Variants in TMEM178B observed in about 807,000 individuals in gnomAD.
TMEM178B encodes the protein transmembrane protein 178B.
In TMEM178B, 5 loss-of-function variants were observed where a neutral mutation model predicts 31.0. The ratio of observed to expected loss-of-function variants is 0.16; its 90% confidence interval spans 0.08 to 0.34. TMEM178B has a LOEUF of 0.34. TMEM178B is among the 10% of genes least tolerant of loss of function. TMEM178B has a pLI of 1.00. For synonymous variants in TMEM178B, 164 were observed against 164.0 expected (o/e 1.00, Z 0.00); for missense variants, 275 against 400.3 (o/e 0.69, Z 2.67).
At chr7:141,460,598 G>A (rs1586975636) in intron 3 of TMEM178B, among the ~76,000 whole-genome samples, 1 of 152,218 alleles carries the variant, frequency 6.6e-6, no homozygotes, top group African/African-American at 2.4e-5. Flanking sequence ...CTCTTTGGAA[G>A]TGAGGCCAGC....
intron 2 of TMEM178B, among the ~76,000 whole-genome samples, chr7:141,255,707 G>A (rs941742097): frequency 5.3e-5 from 8 of 151,824 alleles, no homozygotes; most frequent in African/African-American, 1.9e-4. Flanking sequence ...TCTGTAGACT[G>A]GATATTGTCC....
At chr7:141,097,577 C>G (rs990283369) in intron 1 of TMEM178B, among the ~76,000 whole-genome samples, 1 of 151,896 alleles carries the variant, frequency 6.6e-6, no homozygotes, top group Non-Finnish European at 1.5e-5. Context: ...GAGAATCAGT[C>G]CACCTTGACC....
At chr7:141,398,600 G>C (rs1187315974) in intron 2 of TMEM178B, among the ~76,000 whole-genome samples, 1 of 152,148 alleles carries the variant, frequency 6.6e-6, no homozygotes, top group African/African-American at 2.4e-5. Context: ...ATTTTCACTG[G>C]GACATCTGCA....
chr7:141,244,708 T>A (rs1042289461), intron 2 of TMEM178B, among the ~76,000 whole-genome samples: 1 of 152,046 alleles, frequency 6.6e-6, no homozygotes, highest in African/African-American at 2.4e-5. Flanking sequence ...TGAGTGAGAA[T>A]ACAGATTCGA....
chr7:141,125,334 C>T (rs1404913114), intron 1 of TMEM178B, among the ~76,000 whole-genome samples: 1 of 152,028 alleles, frequency 6.6e-6, no homozygotes, highest in African/African-American at 2.4e-5. Context: ...ATAACAGTAA[C>T]AACATAAAAA....
intron 1 of TMEM178B, among the ~76,000 whole-genome samples, chr7:141,079,472 A>G (rs1794650160): frequency 1.3e-5 from 2 of 152,244 alleles, no homozygotes; most frequent in African/African-American, 4.8e-5. Flanking sequence ...AACCAAGCAC[A>G]TAACTTTGTT....
chr7:141,482,068 C>G (rs965180814), downstream of TMEM178B, among the ~76,000 whole-genome samples: 12 of 152,164 alleles, frequency 7.9e-5, 1 homozygote, highest in African/African-American at 2.9e-4. Flanking sequence ...TTTTCCAATG[C>G]AGCACCACTT....
intron 1 of TMEM178B, among the ~76,000 whole-genome samples, chr7:141,127,005 T>A (rs763182456): frequency 4.1e-4 from 62 of 152,190 alleles, no homozygotes; most frequent in Non-Finnish European, 1.8e-4. Flanking sequence ...TATTCAGCTG[T>A]GTGACCCTGT....
chr7:141,278,677 G>A (rs573250925), intron 2 of TMEM178B, among the ~76,000 whole-genome samples: 2 of 152,304 alleles, frequency 1.3e-5, no homozygotes, highest in South Asian at 4.1e-4. Context: ...ATCATGTTGA[G>A]TAAGGAGCAA....
chr7:141,136,791 A>G (rs968036803), intron 1 of TMEM178B, among the ~76,000 whole-genome samples: 3 of 152,212 alleles, frequency 2.0e-5, no homozygotes, highest in African/African-American at 7.2e-5. Context: ...GCTTGAGCCC[A>G]GGAGTTCAAG....
chr7:141,186,829 A>C lies in TMEM178B; in HGVS notation c.383-25762A>C, dbSNP rs1796616773. ...TTTTCACCAGGGCTGTTGGCCCTGC[A>C]GTGTCTTAGGGGTCACCTGGTATCT... On this transcript the variant is annotated intron_variant, in intron 1 of 3. Transcript: ENST00000565468. Among the ~76,000 whole-genome samples, 8 of 152,230 alleles carry C rather than the reference A, an allele frequency of 5.3e-5. 1 individual carries two copies. In the South Asian group the frequency reaches 1.7e-3, roughly 31 times the overall value.
At chr7:141,450,006 C>A (rs1310960904) in intron 3 of TMEM178B, among the ~76,000 whole-genome samples, 1 of 152,186 alleles carries the variant, frequency 6.6e-6, no homozygotes, top group African/African-American at 2.4e-5. Context: ...GTCTGGGCTA[C>A]TGGGACAGGC....
intron 2 of TMEM178B, among the ~76,000 whole-genome samples, chr7:141,420,758 T>A (rs1422291356): frequency 6.6e-6 from 1 of 152,174 alleles, no homozygotes; most frequent in Non-Finnish European, 1.5e-5. Context: ...GATTTATGGT[T>A]CCTCAGCCTT....
intron 3 of TMEM178B, among the ~76,000 whole-genome samples, chr7:141,464,417 C>A (rs1302591972): frequency 1.3e-5 from 2 of 152,178 alleles, no homozygotes; most frequent in African/African-American, 4.8e-5. Context: ...GGGGACCCAC[C>A]ATTCAGGGCT....
chr7:141,290,411 T>G (rs895651333), intron 2 of TMEM178B, among the ~76,000 whole-genome samples: 40 of 152,342 alleles, frequency 2.6e-4, no homozygotes, highest in African/African-American at 9.1e-4. Context: ...CATGGCTTAG[T>G]GTGTCCTTAT....
chr7:141,248,383 C>A (rs1483856687), intron 2 of TMEM178B, among the ~76,000 whole-genome samples: 1 of 152,144 alleles, frequency 6.6e-6, no homozygotes, highest in Non-Finnish European at 1.5e-5. Flanking sequence ...TGCACTCCAG[C>A]CTAGCAAATA....
At chr7:141,287,536 C>T (rs930733799) in intron 2 of TMEM178B, among the ~76,000 whole-genome samples, 2 of 152,180 alleles carry the variant, frequency 1.3e-5, no homozygotes, top group African/African-American at 4.8e-5. Flanking sequence ...CAGTGGCTTT[C>T]AGTAATCAAC....
chr7:141,158,846 G>A (rs575892532), intron 1 of TMEM178B, among the ~76,000 whole-genome samples: 67 of 152,244 alleles, frequency 4.4e-4, no homozygotes, highest in Admixed American at 1.1e-3. Flanking sequence ...GGTCCTGTGG[G>A]TGACCTCTTG....
intron 1 of TMEM178B, among the ~76,000 whole-genome samples, chr7:141,091,720 C>T (rs1172164431): frequency 1.3e-5 from 2 of 152,060 alleles, no homozygotes; most frequent in Non-Finnish European, 1.5e-5. Flanking sequence ...GGTGATGAGT[C>T]CTAGAATGTA....
Sources: gnomAD v4.1 joint callset for allele counts (sites outside exome capture counted in the v4.1 genomes callset) on GRCh38, gnomAD v4.1.1 for gene constraint, MANE v1.5 for transcripts, NCBI Gene and HGNC (gene_info 2026-07-23, HGNC 2026-07-21) for gene names.